The following MEIS2 variants were observed in gnomAD, a reference collection of about 807,000 sequenced individuals.
MEIS2 encodes the protein homeobox protein Meis2.
A neutral mutation model predicts 58.6 loss-of-function variants in MEIS2; 9 were observed. That is an observed-to-expected ratio of 0.15 (90% CI 0.09 to 0.27). The LOEUF (loss-of-function observed/expected upper bound fraction) is 0.27, where lower values mean the gene tolerates loss of function less well. MEIS2 is among the 10% of genes least tolerant of loss of function. MEIS2 has a pLI of 1.00. For missense variants in MEIS2, 427 were observed against 635.0 expected (o/e 0.67, Z 3.52); for synonymous variants, 221 against 228.4 (o/e 0.97, Z 0.29).
At chr15:36,958,020 A>G (rs1338833554) in intron 8 of MEIS2, among the ~76,000 whole-genome samples, 1 of 152,220 alleles carries the variant, frequency 6.6e-6, no homozygotes, top group African/African-American at 2.4e-5. Flanking sequence ...TTAATGGCAG[A>G]TGTATATTTG....
intron 8 of MEIS2, among the ~76,000 whole-genome samples, chr15:36,982,830 A>T (rs1212243790): frequency 6.6e-6 from 1 of 151,978 alleles, no homozygotes; most frequent in Admixed American, 6.6e-5. Flanking sequence ...TTCTCTTTTG[A>T]TAATAGCTGT....
At chr15:36,931,623 C>G (rs1165692728) in intron 9 of MEIS2, among the ~76,000 whole-genome samples, 1 of 152,108 alleles carries the variant, frequency 6.6e-6, no homozygotes, top group Admixed American at 6.5e-5. Context: ...GGAAGTGCCC[C>G]GGAAACCAGA....
In MEIS2 at chr15:37,096,444, C is replaced by CACA; in HGVS notation, c.246-15_246-14insTGT. 7 of 1,611,002 alleles carry CACA rather than the reference C, an allele frequency of 4.3e-6. No individual in the cohort carries two copies. The highest frequency in any genetic ancestry group is 5.9e-6 in the Non-Finnish European group (7 of 1,178,468). On this transcript the variant is annotated splice_polypyrimidine_tract_variant and intron_variant, in intron 2 of 11. Transcript: ENST00000561208. ...AACAACGGGTGCCTAACGGGCAGCG[C>CACA]CACGCAGAGACACACACACAGAGAC...
At chr15:37,088,991 T>A (rs1052452887) in intron 6 of MEIS2, among the ~76,000 whole-genome samples, 5 of 152,176 alleles carry the variant, frequency 3.3e-5, no homozygotes, top group Non-Finnish European at 7.3e-5. Context: ...ACAGTTACAC[T>A]GAAAACATAC....
At chr15:36,904,478 G>C (rs539023622) in intron 9 of MEIS2, among the ~76,000 whole-genome samples, 53 of 152,258 alleles carry the variant, frequency 3.5e-4, no homozygotes, top group Non-Finnish European at 5.6e-4. Context: ...ACACGCTCCT[G>C]AGTTCAGAAA....
rs145933742 is a variant in MEIS2 at position 36,892,266 on chromosome 15, G to T, written c.1341C>A (p.His447Gln). 8.1e-6 allele frequency: 13 copies of T among 1,613,958 alleles called. No homozygotes were observed. The highest frequency in any genetic ancestry group is 1.6e-4 in the Middle Eastern group (1 of 6,084). The change falls in exon 12 of 12, where the codon CAC becomes CAA. Residue 447 changes from histidine to glutamine, a missense_variant. His to Gln is a conservative substitution (Grantham distance 24). This residue lies in a region of MEIS2 where 154 missense variants were observed against 148.1 expected (regional missense o/e 1.04). Coordinates refer to ENST00000561208, the MANE Select transcript of MEIS2 (RefSeq NM_170675.5). ...TCTGTGCTGACATAGTCATTCCAGG[G>T]TGGGTAGGGGGTCCTCCGTGCATCA... ...AMMMHGGPPT[H>Q]PGMTMSAQSP...
intron 9 of MEIS2, among the ~76,000 whole-genome samples, chr15:36,942,192 T>C (rs907044576): frequency 6.6e-6 from 1 of 152,154 alleles, no homozygotes; most frequent in South Asian, 2.1e-4. Context: ...CAGTCAGCAA[T>C]GACGATTCTG....
chr15:36,898,450 T>C (rs1157192115), intron 9 of MEIS2: 1 of 152,264 alleles, frequency 6.6e-6, no homozygotes, highest in Non-Finnish European at 1.5e-5. Flanking sequence ...GGCAGGGGTT[T>C]TACCCCCTTT....
chr15:36,893,273 C>T (rs563362012), intron 11 of MEIS2, among the ~76,000 whole-genome samples: 1 of 152,156 alleles, frequency 6.6e-6, no homozygotes, highest in African/African-American at 2.4e-5. Flanking sequence ...GTTGCACATC[C>T]CCGGATCTAA....
intron 8 of MEIS2, among the ~76,000 whole-genome samples, chr15:36,973,535 T>C (rs1408197857): frequency 2.0e-5 from 3 of 152,184 alleles, no homozygotes. Flanking sequence ...TAGTAGGTGT[T>C]ATAAAACATT....
At chr15:36,992,078 G>A (rs1313833037) in intron 8 of MEIS2, among the ~76,000 whole-genome samples, 1 of 151,742 alleles carries the variant, frequency 6.6e-6, no homozygotes, top group Non-Finnish European at 1.5e-5. Flanking sequence ...GTGAGCCACC[G>A]CGCCCGGCCT....
intron 6 of MEIS2, among the ~76,000 whole-genome samples, chr15:37,086,811 T>A (rs1384309131): frequency 6.6e-6 from 1 of 152,218 alleles, no homozygotes; most frequent in Non-Finnish European, 1.5e-5. Flanking sequence ...TGTGATCATA[T>A]ACAAATACAA....
At chr15:37,069,893 C>A (rs1438756177) in intron 7 of MEIS2, among the ~76,000 whole-genome samples, 2 of 152,078 alleles carry the variant, frequency 1.3e-5, no homozygotes, top group Non-Finnish European at 2.9e-5. Context: ...CCATTGCTCA[C>A]CACCTGCAGC....
At chr15:36,957,892 G>T (rs1202028583) in intron 8 of MEIS2, among the ~76,000 whole-genome samples, 9 of 152,176 alleles carry the variant, frequency 5.9e-5, no homozygotes, top group Non-Finnish European at 1.3e-4. Context: ...TCATTTAACT[G>T]TTTTATGAAC....
At chr15:37,065,873 T>G (rs1255519586) in intron 7 of MEIS2, among the ~76,000 whole-genome samples, 1 of 152,210 alleles carries the variant, frequency 6.6e-6, no homozygotes, top group Non-Finnish European at 1.5e-5. Context: ...CAGATCTTAT[T>G]ATTCCCAAAG....
At chr15:37,017,324 C>T (rs775703573) in intron 8 of MEIS2, among the ~76,000 whole-genome samples, 8 of 152,076 alleles carry the variant, frequency 5.3e-5, no homozygotes, top group East Asian at 3.9e-4. Flanking sequence ...AGAGTGTGGG[C>T]GGGGTTGGTG....
intron 8 of MEIS2, among the ~76,000 whole-genome samples, chr15:36,994,380 T>C (rs181631860): frequency 6.6e-6 from 1 of 152,328 alleles, no homozygotes; most frequent in East Asian, 1.9e-4. Flanking sequence ...GATTCAGTAT[T>C]CAGCCAATAT....
intron 7 of MEIS2, among the ~76,000 whole-genome samples, chr15:37,054,384 T>C (rs1278990532): frequency 1.3e-5 from 2 of 151,954 alleles, no homozygotes; most frequent in Non-Finnish European, 2.9e-5. Flanking sequence ...AATCAGGAGG[T>C]GGGGAGACTT....
intron 8 of MEIS2, among the ~76,000 whole-genome samples, chr15:37,006,705 C>T (rs2060935954): frequency 6.6e-6 from 1 of 152,184 alleles, no homozygotes; most frequent in African/African-American, 2.4e-5. Context: ...TCGTTGTTCA[C>T]CTGACAAAAA....
Sources: gnomAD v4.1 joint callset for allele counts (sites outside exome capture counted in the v4.1 genomes callset) on GRCh38, gnomAD v4.1.1 for gene constraint, gnomAD v4.1.1 regional missense constraint, MANE v1.5 for transcripts, NCBI Gene and HGNC (gene_info 2026-07-23, HGNC 2026-07-21) for gene names.